CHODL: variants seen among roughly 807,000 people sequenced by gnomAD.
CHODL encodes the protein transmembrane protein MT75.
A neutral mutation model predicts 34.5 loss-of-function variants in CHODL; 29 were observed. The ratio of observed to expected loss-of-function variants is 0.84; its 90% CI spans 0.63 to 1.15. CHODL has a LOEUF of 1.15. CHODL is among the 50% of genes most tolerant of loss of function. CHODL has a pLI of 0.00. For synonymous variants in CHODL, 125 were observed against 116.1 expected (o/e 1.08, Z -0.49); for missense variants, 332 against 332.5 (o/e 1.00, Z 0.01).
chr21:18,067,450 G>A (rs1488945860), intron 2 of CHODL, among the ~76,000 whole-genome samples: 1 of 152,170 alleles, frequency 6.6e-6, no homozygotes, highest in Non-Finnish European at 1.5e-5. Context: ...CCGGGGTGAT[G>A]TTTCCACCAG....
At chr21:18,151,082 CAAAAAAAAA>C (rs61176066) in intron 2 of CHODL, among the ~76,000 whole-genome samples, 63 of 122,966 alleles carry the variant, frequency 5.1e-4, no homozygotes, top group Admixed American at 5.0e-4. Flanking sequence ...GACTCTGTGT[CAAAAAAAAA>C]AAAAAAAAAA....
In CHODL at chr21:18,245,089, G is replaced by A. The variant is rs550690105; in HGVS notation, c.-135G>A. 2.9e-6 allele frequency: 2 copies of A among 696,414 alleles called. No individual in the cohort carries two copies. Among genetic ancestry groups the A allele is most frequent in the African/African-American group, 1.9e-5 (1 of 52,466 alleles). The allele number at this position is 696,414 out of a possible 1,614,324, so 43.1% of individuals were successfully genotyped here. On this transcript the variant is annotated 5_prime_UTR_variant, in exon 1 of 6. Transcript: ENST00000299295. ...CCGAAGGCGATGCGCGCAGGGGGTC[G>A]GGCAGCTGGGCTCGGGCGGCGGGAG...
In CHODL at chr21:18,233,342, C is replaced by T. The variant is rs186752662; in HGVS notation, c.-44-23167C>T. Reference sequence around the variant, plus strand: ...AGCCAGACTGCCTGGGTTGAAATACCAGCTGTCCACCCTTTTGCTGTGTGT... The same window carrying T: ...AGCCAGACTGCCTGGGTTGAAATACTAGCTGTCCACCCTTTTGCTGTGTGT... On this transcript the variant is annotated intron_variant, in intron 2 of 6. Transcript: ENST00000400127. Among the ~76,000 whole-genome samples the T allele has an allele frequency of 2.8e-3, 420 of 152,110 alleles. 4 individuals are homozygous for T. Among genetic ancestry groups the T allele is most frequent in the African/African-American group, 9.8e-3 (407 of 41,516 alleles).
intron 2 of CHODL, among the ~76,000 whole-genome samples, chr21:18,122,216 C>T (rs1307774384): frequency 2.0e-5 from 3 of 150,384 alleles, no homozygotes; most frequent in Non-Finnish European, 4.4e-5. Context: ...TATTAAACAA[C>T]TCTGATCAAA....
At chr21:18,213,485 A>C (rs973525676) in intron 2 of CHODL, among the ~76,000 whole-genome samples, 2 of 152,118 alleles carry the variant, frequency 1.3e-5, no homozygotes, top group African/African-American at 4.8e-5. Flanking sequence ...TATTGCAACT[A>C]ACATTGTTTG....
chr21:18,154,051 C>A (rs1287543665), intron 2 of CHODL, among the ~76,000 whole-genome samples: 2 of 152,066 alleles, frequency 1.3e-5, no homozygotes, highest in Non-Finnish European at 2.9e-5. Context: ...TCTCAGACCA[C>A]AAGATAGTGA....
intron 2 of CHODL, among the ~76,000 whole-genome samples, chr21:18,081,330 A>T (rs1211776649): frequency 6.6e-6 from 1 of 151,780 alleles, no homozygotes. Context: ...TTTTACTTTT[A>T]TTTTTTTCTT....
intron 2 of CHODL, among the ~76,000 whole-genome samples, chr21:18,169,578 T>A (rs1046154237): frequency 2.6e-5 from 4 of 152,040 alleles, no homozygotes; most frequent in African/African-American, 9.6e-5. Flanking sequence ...TTTTTAAAAA[T>A]TGTTTCTATT....
chr21:17,970,236 G>A (rs549621302), intron 1 of CHODL, among the ~76,000 whole-genome samples: 2 of 152,120 alleles, frequency 1.3e-5, no homozygotes, highest in South Asian at 2.1e-4. Flanking sequence ...AAGGTAGTAA[G>A]CCCTTTGACC....
chr21:17,998,845 G>A (rs2063877752), intron 1 of CHODL, among the ~76,000 whole-genome samples: 1 of 152,170 alleles, frequency 6.6e-6, no homozygotes. Flanking sequence ...TAATGTGAGG[G>A]GCTGCGGTGA....
intron 1 of CHODL, among the ~76,000 whole-genome samples, chr21:17,981,945 C>A (rs1236392593): frequency 6.6e-6 from 1 of 152,126 alleles, no homozygotes; most frequent in African/African-American, 2.4e-5. Context: ...TTGGCATAGG[C>A]CCAAATATTT....
chr21:18,062,463 CCT>C (rs113009228), intron 2 of CHODL, among the ~76,000 whole-genome samples: 69,082 of 151,600 alleles, frequency 0.46, 16,481 homozygotes, highest in Middle Eastern at 0.52. Context: ...CCCACCCTGG[CCT>C]CTCTCAAAGT....
At chr21:17,953,924 C>T (rs1183803483) in intron 1 of CHODL, among the ~76,000 whole-genome samples, 2 of 152,060 alleles carry the variant, frequency 1.3e-5, no homozygotes, top group Non-Finnish European at 2.9e-5. Flanking sequence ...GCAGGACAAT[C>T]ACTTGAACCC....
At chr21:18,089,208 T>A (rs996415234) in intron 2 of CHODL, among the ~76,000 whole-genome samples, 14 of 152,224 alleles carry the variant, frequency 9.2e-5, no homozygotes, top group Non-Finnish European at 1.8e-4. Context: ...CCTTTTCAAA[T>A]CTTTTGTTTA....
chr21:18,174,012 C>G (rs1220481816), intron 2 of CHODL, among the ~76,000 whole-genome samples: 1 of 140,874 alleles, frequency 7.1e-6, no homozygotes, highest in Non-Finnish European at 1.6e-5. Context: ...GCCAAAATAC[C>G]TTCAAACAGA....
chr21:18,229,731 A>G (rs2073962259), intron 2 of CHODL, among the ~76,000 whole-genome samples: 1 of 152,106 alleles, frequency 6.6e-6, no homozygotes, highest in Admixed American at 6.6e-5. Context: ...CTGCCCACAG[A>G]ATGTATTCAC....
intron 2 of CHODL, among the ~76,000 whole-genome samples, chr21:18,181,542 A>G (rs1291010659): frequency 6.6e-6 from 1 of 152,298 alleles, no homozygotes; most frequent in African/African-American, 2.4e-5. Context: ...AGCTGGAACT[A>G]CAGGCGCCCG....
chr21:18,010,758 A>T (rs1289228575), intron 1 of CHODL, among the ~76,000 whole-genome samples: 3 of 152,220 alleles, frequency 2.0e-5, no homozygotes, highest in Non-Finnish European at 4.4e-5. Context: ...GTTTTTAGGA[A>T]AGTCTGAAAT....
chr21:18,162,468 A>T (rs909262), intron 2 of CHODL, among the ~76,000 whole-genome samples: 151,535 of 151,542 alleles, frequency 1, 75,764 homozygotes, highest in Middle Eastern at 1. Flanking sequence ...TGTGTATGTA[A>T]GTGTGTGTGT....
Sources: allele counts gnomAD v4.1 joint callset (sites outside exome capture counted in the v4.1 genomes callset), GRCh38; gene constraint gnomAD v4.1.1; transcripts MANE v1.5; gene names NCBI Gene and HGNC (gene_info 2026-07-23, HGNC 2026-07-21).